The following KCTD1 variants were observed in gnomAD, a reference collection of about 807,000 sequenced individuals.
KCTD1 encodes the protein BTB/POZ domain-containing protein KCTD1.
Under a neutral mutation model 66.0 loss-of-function variants are expected in KCTD1, and 24 were observed. The ratio of observed to expected loss-of-function variants is 0.36; its 90% CI spans 0.26 to 0.51. The LOEUF (loss-of-function observed/expected upper bound fraction) is 0.51. KCTD1 is among the 20% of genes least tolerant of loss of function. The probability of loss-of-function intolerance (pLI) is 0.95; values close to 1 mark genes in which losing one functional copy is unlikely to be tolerated. For missense variants in KCTD1, 943 were observed against 1,205.2 expected (o/e 0.78, Z 3.22); for synonymous variants, 511 against 517.2 (o/e 0.99, Z 0.16).
At chr18:26,460,044 G>A in intron 3 of KCTD1, 119 bp from the exon 4 acceptor site, 1 of 738,718 alleles carries the variant, frequency 1.4e-6, no homozygotes, top group Middle Eastern at 2.7e-4. Flanking sequence ...ATCTGCATGT[G>A]CGTTTTTCAC....
chr18:26,466,603 G>T (rs1980748288), intron 3 of KCTD1, among the ~76,000 whole-genome samples: 1 of 152,250 alleles, frequency 6.6e-6, no homozygotes, highest in Admixed American at 6.5e-5. Flanking sequence ...CCACCACAAA[G>T]AATTGTTTGG....
intron 1 of KCTD1, among the ~76,000 whole-genome samples, chr18:26,557,650 C>T (rs889972937): frequency 1.3e-5 from 2 of 152,132 alleles, no homozygotes; most frequent in African/African-American, 2.4e-5. Context: ...GACCACACTT[C>T]GAGAAACACT....
Position 26,647,479 on chromosome 18 carries a change from C to T in KCTD1, c.9+9881G>A, listed in dbSNP as rs1045241646. The stretch of plus-strand genomic sequence containing the variant: ...AGGTTGCGGTGAGCCGAGATCATGC[C>T]GCTACACTCCAGTCTGGGAAACAGA... On this transcript the variant is annotated intron_variant, in intron 1 of 4. Coordinates refer to the KCTD1 transcript ENST00000580191. 1.5e-4 allele frequency among the ~76,000 whole-genome samples: 19 copies of T among 127,336 alleles called. No individual in the cohort carries two copies. The East Asian group carries it at 3.0e-3, about 20-fold the overall frequency. The allele number at this position is 127,336 out of a possible 152,430, so 83.5% of individuals were successfully genotyped here.
chr18:26,500,465 G>A (rs763254783), intron 2 of KCTD1, among the ~76,000 whole-genome samples: 150 of 152,196 alleles, frequency 9.9e-4, no homozygotes, highest in Non-Finnish European at 1.7e-3. Context: ...AGGGGCATGG[G>A]AGGAGATATC....
At chr18:26,570,323 T>G (rs1028735398) in intron 1 of KCTD1, among the ~76,000 whole-genome samples, 8 of 151,982 alleles carry the variant, frequency 5.3e-5, no homozygotes, top group East Asian at 1.9e-4. Context: ...AACTCTATTT[T>G]GTCCGAGGAT....
chr18:26,655,762 C>T (rs1006715802), intron 1 of KCTD1: 7 of 152,234 alleles, frequency 4.6e-5, no homozygotes, highest in African/African-American at 1.7e-4. Context: ...TTCGAAAGCA[C>T]AAAGGCAGAC....
At chr18:26,498,106 G>A (rs550130321) in intron 2 of KCTD1, among the ~76,000 whole-genome samples, 8 of 152,276 alleles carry the variant, frequency 5.3e-5, no homozygotes, top group Middle Eastern at 3.4e-3. Context: ...AGACCTATTT[G>A]TGCCTGTTTT....
upstream of KCTD1, among the ~76,000 whole-genome samples, chr18:26,632,763 T>C (rs553815909): frequency 4.8e-4 from 73 of 152,282 alleles, no homozygotes; most frequent in South Asian, 0.015. Context: ...TAGCTACATC[T>C]ATATGAATAA....
At chr18:26,657,084 GCTC>G (rs1230771493) in intron 1 of KCTD1, among the ~76,000 whole-genome samples, 1 of 150,744 alleles carries the variant, frequency 6.6e-6, no homozygotes, top group African/African-American at 2.4e-5. Context: ...GGCCGCACCC[GCTC>G]CTCCTGCCCG....
In KCTD1 at chr18:26,593,324, AGAGGAGGAGGAAGAGGAGGAAGAG is replaced by A. The variant is rs1437071286; in HGVS notation, c.-16+35799_-16+35822del. ...ATGAGGAGAAGGAAGAGGAGGAGGAAGAGGAGGAGGAAGAGGAGGAAGAGGAGGAGGAGGAAGAGGAGGAGGAGG... is the reference window on the plus strand; with the variant it reads ...ATGAGGAGAAGGAAGAGGAGGAGGAAGAGGAGGAGGAAGAGGAGGAGGAGG... On this transcript the variant is annotated intron_variant, in intron 1 of 4. Transcript: ENST00000317932. Among the ~76,000 whole-genome samples the A allele has an allele frequency of 9.1e-4, 96 of 105,648 alleles. 1 individual carries two copies. The highest frequency in any genetic ancestry group is 4.3e-3 in the South Asian group (13 of 3,042). 69.3% of individuals were successfully genotyped at this position (105,648 alleles called of 152,430 possible). A position where few individuals can be genotyped will look rare whatever the true frequency, so the allele number is the denominator to read the frequency against.
chr18:26,633,024 C>T (rs926739734), upstream of KCTD1, among the ~76,000 whole-genome samples: 15 of 151,606 alleles, frequency 9.9e-5, no homozygotes, highest in African/African-American at 3.6e-4. Flanking sequence ...TCAGGAATAG[C>T]AGGAAAATAA....
chr18:26,548,816 T>A, upstream of KCTD1: 2 of 1,066,064 alleles, frequency 1.9e-6, no homozygotes, highest in Non-Finnish European at 1.1e-6. Context: ...CTCCCACTTC[T>A]AAGAAAACTT....
At chr18:26,499,035 C>T (rs1022922198) in intron 2 of KCTD1, among the ~76,000 whole-genome samples, 5 of 152,144 alleles carry the variant, frequency 3.3e-5, no homozygotes, top group Admixed American at 6.5e-5. Context: ...GGAGACCCAC[C>T]TAGTTACAAT....
intron 1 of KCTD1, among the ~76,000 whole-genome samples, chr18:26,653,207 A>G (rs1988068900): frequency 6.6e-6 from 1 of 152,182 alleles, no homozygotes; most frequent in Non-Finnish European, 1.5e-5. Flanking sequence ...CTCTTGGGTG[A>G]AGACCAGGTG....
chr18:26,473,160 T>C (rs1202160650), intron 3 of KCTD1, among the ~76,000 whole-genome samples: 1 of 152,138 alleles, frequency 6.6e-6, no homozygotes, highest in Admixed American at 6.5e-5. Context: ...ATATACTATA[T>C]TGAAAATTAT....
intron 1 of KCTD1, among the ~76,000 whole-genome samples, chr18:26,599,023 C>A (rs76492813): frequency 2.6e-4 from 39 of 152,058 alleles, no homozygotes; most frequent in Admixed American, 1.0e-3. Context: ...TCTATTTTTT[C>A]TTTTGTTACT....
chr18:26,630,047 T>G (rs1987584346), upstream of KCTD1, among the ~76,000 whole-genome samples: 1 of 152,164 alleles, frequency 6.6e-6, no homozygotes, highest in Non-Finnish European at 1.5e-5. Flanking sequence ...GAGACCCATA[T>G]GAAAGATCAG....
upstream of KCTD1, chr18:26,549,559 C>G (rs1298741116): frequency 1.3e-6 from 1 of 778,166 alleles, no homozygotes; most frequent in African/African-American, 1.9e-5. Flanking sequence ...AGGGCGCCGC[C>G]CTCCCTGCCC....
rs1054305200 is a variant in KCTD1 at position 26,548,471 on chromosome 18, G to A, written c.66C>T (p.Ala22=). The part of the protein sequence containing the change: ...TSAGGSASAA[A]AAAENNGERG... Reference sequence around the variant, plus strand: ...GCTCCCCATTGTTCTCGGCGGCGGCGGCGGCAGCGCTGGCGCTGCCGCCCG... The same window carrying A: ...GCTCCCCATTGTTCTCGGCGGCGGCAGCGGCAGCGCTGGCGCTGCCGCCCG... Residue 22 remains alanine (A), a synonymous_variant, in exon 1 of 5, where the codon GCC becomes GCT. Transcript: ENST00000580059. 2 of 1,258,292 alleles carry A rather than the reference G, an allele frequency of 1.6e-6. No individual in the cohort carries two copies. The highest frequency in any genetic ancestry group is 3.6e-5 in the South Asian group (1 of 28,096). The allele number at this position is 1,258,292 out of a possible 1,614,324, so 77.9% of individuals were successfully genotyped here. A position where few individuals can be genotyped will look rare whatever the true frequency, so the allele number is the denominator to read the frequency against.
Sources: allele counts gnomAD v4.1 joint callset (sites outside exome capture counted in the v4.1 genomes callset), GRCh38; gene constraint gnomAD v4.1.1; transcripts MANE v1.5; gene names NCBI Gene and HGNC (gene_info 2026-07-23, HGNC 2026-07-21).